Variants in SCML4 observed in about 807,000 individuals in gnomAD.
The protein encoded by SCML4 is Scm polycomb group protein like 4.
A neutral mutation model predicts 41.1 loss-of-function variants in SCML4; 34 were observed. The observed-to-expected ratio is 0.83, with a 90% CI of 0.63 to 1.10. The LOEUF is 1.10. SCML4 is among the 50% of genes least tolerant of loss of function. The probability of loss-of-function intolerance (pLI) is 0.00; values close to 1 mark genes in which losing one functional copy is unlikely to be tolerated. For missense variants in SCML4, 522 were observed against 534.1 expected, an observed-to-expected ratio of 0.98 and a Z score of 0.22; for synonymous variants, 214 against 220.9, an observed-to-expected ratio of 0.97 and a Z score of 0.28.
chr6:107,813,419 TATATAA>T (rs1230033184), intron 1 of SCML4, among the ~76,000 whole-genome samples: 2,211 of 14,978 alleles, frequency 0.15, 249 homozygotes, highest in East Asian at 0.23. Flanking sequence ...TATATATATA[TATATAA>T]AACTGTAAAA....
intron 2 of SCML4, among the ~76,000 whole-genome samples, chr6:107,761,444 T>TG (rs1779584859): frequency 1.8e-5 from 1 of 54,660 alleles, no homozygotes; most frequent in South Asian, 6.2e-4. Flanking sequence ...TATCTTTGGT[T>TG]TTTTTTTTTT....
At position 107,720,739 on chromosome 6, in the gene SCML4, T is replaced by C. The variant is rs749484045; in HGVS notation, c.937A>G (p.Lys313Glu). 1.3e-6 allele frequency: 2 copies of C among 1,584,830 alleles called. No homozygotes were observed. The highest frequency in any genetic ancestry group is 3.4e-4 in the Middle Eastern group (2 of 5,860). The change falls in exon 6 of 8, where the codon AAG becomes GAG. Residue 313 changes from lysine to glutamate, a missense_variant. By Grantham distance (56) the Lys-to-Glu change is moderately conservative (BLOSUM62 1). Transcript: ENST00000369020. ...CCTTCAAGAGAGGTCGTGTTTCTCT[T>C]GGGGCTGGAGGCTGGAGGCCTCAGC... ...PGLRPPASSP[K>E]RNTTSLEGNR...
chr6:107,727,422 G>GT (rs895159901), intron 5 of SCML4, among the ~76,000 whole-genome samples: 4 of 151,890 alleles, frequency 2.6e-5, no homozygotes, highest in Admixed American at 6.6e-5. Context: ...TCTCAATAAA[G>GT]TTTTTTTTTA....
At chr6:107,770,941 C>T (rs990450023) in intron 2 of SCML4, among the ~76,000 whole-genome samples, 28 of 152,230 alleles carry the variant, frequency 1.8e-4, no homozygotes, top group African/African-American at 6.5e-4. Flanking sequence ...AAGCCAACAA[C>T]TGCACAGTAG....
intron 2 of SCML4, 102 bp from the exon 3 acceptor site, chr6:107,749,915 G>T: frequency 8.4e-7 from 1 of 1,190,302 alleles, no homozygotes; most frequent in Non-Finnish European, 1.2e-6. Flanking sequence ...CTTCTATCAT[G>T]CTTCCACACC....
intron 1 of SCML4, among the ~76,000 whole-genome samples, chr6:107,810,536 G>A (rs1448338984): frequency 6.6e-6 from 1 of 152,148 alleles, no homozygotes; most frequent in Non-Finnish European, 1.5e-5. Flanking sequence ...CTGCCCTGGG[G>A]TAGAGTTGAA....
intron 5 of SCML4, among the ~76,000 whole-genome samples, chr6:107,742,492 A>G (rs1226636661): frequency 6.6e-6 from 1 of 152,212 alleles, no homozygotes; most frequent in African/African-American, 2.4e-5. Context: ...GGCATATATT[A>G]TAATCATCAA....
chr6:107,739,094 A>G (rs943420237), intron 5 of SCML4, among the ~76,000 whole-genome samples: 3 of 152,090 alleles, frequency 2.0e-5, no homozygotes, highest in African/African-American at 4.8e-5. Flanking sequence ...TAAGTTCTCT[A>G]CCTGGGAGAG....
At chr6:107,773,589 C>A (rs1467866656) in intron 1 of SCML4, among the ~76,000 whole-genome samples, 43 of 76,944 alleles carry the variant, frequency 5.6e-4, no homozygotes, top group South Asian at 1.6e-3. Context: ...AAGACTGTCT[C>A]AAAAAAAAAA....
chr6:107,709,383 G>A (rs1443860439), intron 6 of SCML4, among the ~76,000 whole-genome samples: 3 of 152,188 alleles, frequency 2.0e-5, no homozygotes, highest in Non-Finnish European at 4.4e-5. Flanking sequence ...CTACCTGGAG[G>A]GGCAGGTGTA....
the SCML4 span, among the ~76,000 whole-genome samples, chr6:107,831,411 CAAAA>C: frequency 6.7e-4 from 72 of 107,476 alleles, no homozygotes; most frequent in East Asian, 1.2e-3. Context: ...TTTTCATTCT[CAAAA>C]AAAAAAAAAA....
intron 6 of SCML4, among the ~76,000 whole-genome samples, chr6:107,716,844 G>GT (rs1386439820): frequency 6.6e-6 from 1 of 152,094 alleles, no homozygotes; most frequent in Non-Finnish European, 1.5e-5. Flanking sequence ...TCAATGAAAT[G>GT]TAAGCAGAAA....
At chr6:107,755,630 G>A (rs1779044116) in intron 2 of SCML4, 2 of 1,340,902 alleles carry the variant, frequency 1.5e-6, no homozygotes, top group Admixed American at 4.2e-5. Context: ...GCTGTTCTCT[G>A]GCAGGGCATT....
At chr6:107,780,947 T>C (rs1429652317) in intron 1 of SCML4, among the ~76,000 whole-genome samples, 1 of 148,926 alleles carries the variant, frequency 6.7e-6, no homozygotes, top group African/African-American at 2.5e-5. Flanking sequence ...ATAAATTGTT[T>C]GTGATAAGCA....
intron 2 of SCML4, 148 bp from the exon 3 acceptor site, chr6:107,749,961 T>C: frequency 2.6e-6 from 2 of 756,220 alleles, no homozygotes; most frequent in Non-Finnish European, 4.4e-6. Context: ...GAGCTGCAGA[T>C]TCAAGTTCAT....
At chr6:107,734,644 A>T (rs187918164) in intron 5 of SCML4, among the ~76,000 whole-genome samples, 1 of 152,332 alleles carries the variant, frequency 6.6e-6, no homozygotes. Flanking sequence ...TACAGATATC[A>T]TAATTTAATG....
chr6:107,750,436 A>C (rs374709350), intron 2 of SCML4, among the ~76,000 whole-genome samples: 1 of 152,238 alleles, frequency 6.6e-6, no homozygotes, highest in Non-Finnish European at 1.5e-5. Context: ...TTATGGAGTA[A>C]GGGGAAGATG....
chr6:107,730,066 G>A (rs1405894546), intron 5 of SCML4, among the ~76,000 whole-genome samples: 1 of 152,186 alleles, frequency 6.6e-6, no homozygotes, highest in Non-Finnish European at 1.5e-5. Flanking sequence ...CATCCAACAT[G>A]AGGCAGATGA....
the SCML4 span, among the ~76,000 whole-genome samples, chr6:107,831,751 C>G: frequency 6.6e-6 from 1 of 152,144 alleles, no homozygotes; most frequent in Non-Finnish European, 1.5e-5. Context: ...AAACCCATCT[C>G]TACTAAAAAT....
Sources: gnomAD v4.1 joint callset for allele counts (sites outside exome capture counted in the v4.1 genomes callset) on GRCh38, gnomAD v4.1.1 for gene constraint, MANE v1.5 for transcripts, NCBI Gene and HGNC (gene_info 2026-07-23, HGNC 2026-07-21) for gene names.